The following NPAS3 variants were observed in gnomAD, a reference collection of about 807,000 sequenced individuals.
NPAS3 encodes neuronal PAS domain protein 3, also known as neuronal PAS domain-containing protein 3.
In NPAS3, 14 loss-of-function variants were observed where a neutral mutation model predicts 73.1. The ratio of observed to expected loss-of-function variants is 0.19; its 90% CI spans 0.13 to 0.30. The LOEUF (loss-of-function observed/expected upper bound fraction) is 0.30. Ranked by LOEUF, NPAS3 falls within the 10% of genes least tolerant of loss-of-function variation. The pLI is 1.00. For synonymous variants in NPAS3, 620 were observed against 541.5 expected (o/e 1.14, Z -2.01); for missense variants, 1,096 against 1,250.0 (o/e 0.88, Z 1.86).
chr14:33,164,169 TGTAAG>T (rs2045032138), intron 2 of NPAS3, among the ~76,000 whole-genome samples: 1 of 152,252 alleles, frequency 6.6e-6, no homozygotes. Flanking sequence ...CAGACAATCT[TGTAAG>T]GAGAGCCAGT....
Position 33,800,596 on chromosome 14 carries a change from C to G in NPAS3, c.2289C>G (p.Gly763=). 7 of 1,299,992 alleles carry G rather than the reference C, an allele frequency of 5.4e-6. No homozygotes were observed. The highest frequency in any genetic ancestry group is 6.8e-6 in the Non-Finnish European group (7 of 1,032,470). 80.5% of individuals were successfully genotyped at this position (1,299,992 alleles called of 1,614,324 possible). Residue 763 remains glycine (G), a synonymous_variant, in exon 12 of 12, where the codon GGC becomes GGG. Transcript: ENST00000356141. This position sits in a 1 kb window ranked among gnomAD's most constrained non-coding sequence, Gnocchi z 6.5. ...CGCGGGACAAGCACCCCGGGAACGG[C>G]GGCGGGGGCGGGGGCGGGGGCGGCG...
intron 4 of NPAS3, among the ~76,000 whole-genome samples, chr14:33,393,566 G>A (rs902123429): frequency 6.6e-6 from 1 of 152,120 alleles, no homozygotes; most frequent in Non-Finnish European, 1.5e-5. Flanking sequence ...AAAAAGGTCG[G>A]GGGAGAGGAA....
intron 5 of NPAS3, among the ~76,000 whole-genome samples, chr14:33,576,190 G>T (rs2139847436): frequency 6.6e-6 from 1 of 152,258 alleles, no homozygotes; most frequent in African/African-American, 2.4e-5. Context: ...GATTCCCTTT[G>T]CATTTGGCGT....
intron 6 of NPAS3, among the ~76,000 whole-genome samples, chr14:33,712,276 A>AC (rs1215097773): frequency 6.6e-6 from 1 of 152,072 alleles, no homozygotes; most frequent in Non-Finnish European, 1.5e-5. Flanking sequence ...GAAGCAAAAC[A>AC]CCCCCCACCA....
chr14:33,779,379 T>C (rs2062914399), intron 9 of NPAS3, among the ~76,000 whole-genome samples: 1 of 152,154 alleles, frequency 6.6e-6, no homozygotes, highest in Non-Finnish European at 1.5e-5. Flanking sequence ...GTGGCCCTCT[T>C]CTGACCAGAG....
intron 1 of NPAS3, among the ~76,000 whole-genome samples, chr14:33,023,371 A>T (rs114916000): frequency 0.026 from 3,806 of 144,792 alleles, 129 homozygotes; most frequent in African/African-American, 0.073. Context: ...TGGAATGAAT[A>T]TTTTTTTTCA....
intron 5 of NPAS3, among the ~76,000 whole-genome samples, chr14:33,631,740 T>C (rs904039739): frequency 2.0e-5 from 3 of 152,146 alleles, no homozygotes; most frequent in South Asian, 2.1e-4. Flanking sequence ...CATTAGCAAA[T>C]AACTCTTTTA....
chr14:32,956,030 A>G (rs927362509), intron 1 of NPAS3, among the ~76,000 whole-genome samples: 1 of 152,038 alleles, frequency 6.6e-6, no homozygotes, highest in African/African-American at 2.4e-5. Flanking sequence ...TTAAGCAAGG[A>G]GTAAAGAAAA....
chr14:32,965,880 CAATATACA>C (rs1200537469), intron 1 of NPAS3, among the ~76,000 whole-genome samples: 2 of 151,866 alleles, frequency 1.3e-5, no homozygotes, highest in African/African-American at 4.8e-5. Flanking sequence ...GATATAAAAT[CAATATACA>C]AAAAATTAGT....
chr14:33,401,012 A>G (rs1177461703), intron 4 of NPAS3, among the ~76,000 whole-genome samples: 2 of 152,064 alleles, frequency 1.3e-5, no homozygotes, highest in Non-Finnish European at 2.9e-5. Context: ...GATTTCATAC[A>G]TATTAGATAT....
At chr14:33,584,861 T>C (rs190560589) in intron 5 of NPAS3, among the ~76,000 whole-genome samples, 1 of 152,296 alleles carries the variant, frequency 6.6e-6, no homozygotes, top group African/African-American at 2.4e-5. Context: ...CCTATTAACA[T>C]GCACATGTTA....
upstream of NPAS3, among the ~76,000 whole-genome samples, chr14:32,936,345 A>C (rs1252028912): frequency 6.6e-6 from 1 of 152,036 alleles, no homozygotes; most frequent in Non-Finnish European, 1.5e-5. Flanking sequence ...TAACTCAAAA[A>C]GGGGCTATTC....
intron 2 of NPAS3, among the ~76,000 whole-genome samples, chr14:33,078,384 G>A (rs1470929758): frequency 6.6e-6 from 1 of 152,178 alleles, no homozygotes; most frequent in East Asian, 1.9e-4. Flanking sequence ...TTCTGGGTTT[G>A]GAGAATGCAT....
intron 3 of NPAS3, among the ~76,000 whole-genome samples, chr14:33,337,554 C>T (rs1206800923): frequency 1.3e-5 from 2 of 151,850 alleles, no homozygotes; most frequent in African/African-American, 4.8e-5. Flanking sequence ...TTAAAAATTG[C>T]TTTCACTATT....
chr14:33,137,983 C>T (rs888545882), intron 2 of NPAS3, among the ~76,000 whole-genome samples: 1 of 150,924 alleles, frequency 6.6e-6, no homozygotes, highest in Non-Finnish European at 1.5e-5. Flanking sequence ...AGCTCTCCTG[C>T]TTTTCCCAAA....
intron 4 of NPAS3, among the ~76,000 whole-genome samples, chr14:33,523,912 G>T (rs970606531): frequency 6.7e-6 from 1 of 148,400 alleles, no homozygotes; most frequent in Non-Finnish European, 1.5e-5. Flanking sequence ...CCTACGCCTT[G>T]AGACAAGAGA....
intron 1 of NPAS3, among the ~76,000 whole-genome samples, chr14:32,991,848 A>G (rs1409240570): frequency 1.3e-5 from 2 of 152,040 alleles, no homozygotes; most frequent in East Asian, 1.9e-4. Context: ...AGCTTTGCCA[A>G]CTCAGAAGTC....
intron 1 of NPAS3, among the ~76,000 whole-genome samples, chr14:33,040,564 A>G (rs896946879): frequency 6.6e-6 from 1 of 151,622 alleles, no homozygotes; most frequent in Non-Finnish European, 1.5e-5. Context: ...ATGATACTTT[A>G]ATACCCGCCC....
chr14:33,779,261 T>C (rs1462061968), intron 9 of NPAS3, among the ~76,000 whole-genome samples: 1 of 152,132 alleles, frequency 6.6e-6, no homozygotes, highest in Admixed American at 6.5e-5. Flanking sequence ...GCATCAGTGG[T>C]GTGGCTGGCT....
Sources: allele counts gnomAD v4.1 joint callset (sites outside exome capture counted in the v4.1 genomes callset), GRCh38; gene constraint gnomAD v4.1.1; non-coding constraint Gnocchi (gnomAD v3.1); transcripts MANE v1.5; gene names NCBI Gene and HGNC (gene_info 2026-07-23, HGNC 2026-07-21).